The following SHROOM4 variants were observed in gnomAD, a reference collection of about 807,000 sequenced individuals.
SHROOM4 encodes shroom family member 4.
Under a neutral mutation model 80.3 loss-of-function variants are expected in SHROOM4, and 17 were observed. The observed-to-expected ratio is 0.21, with a 90% CI of 0.14 to 0.32. The LOEUF (loss-of-function observed/expected upper bound fraction) is 0.32, where lower values mean the gene tolerates loss of function less well. SHROOM4 is among the 10% of genes least tolerant of loss of function. SHROOM4 has a pLI of 1.00. For synonymous variants in SHROOM4, 400 were observed against 437.5 expected (o/e 0.91, Z 1.07); for missense variants, 993 against 1,140.3 (o/e 0.87, Z 1.86).
chrX:50,677,383 T>C (rs1417479035), intron 2 of SHROOM4, among the ~76,000 whole-genome samples: 2 of 111,528 alleles, frequency 1.8e-5, no homozygotes, highest in Admixed American at 9.5e-5. Context: ...TTGGTTAATG[T>C]CAATCTAAGA....
At chrX:50,618,222 A>G (rs1263987115) in intron 5 of SHROOM4, among the ~76,000 whole-genome samples, 2 of 109,302 alleles carry the variant, frequency 1.8e-5, no homozygotes, top group Non-Finnish European at 3.8e-5. Flanking sequence ...GAGGGCAAGG[A>G]GCTTCATTAA....
At chrX:50,583,771 G>T (rs1009471711), downstream of SHROOM4, among the ~76,000 whole-genome samples, 7 of 111,608 alleles carry the variant, frequency 6.3e-5, no homozygotes, top group Non-Finnish European at 3.8e-5. Flanking sequence ...CCAACAATAT[G>T]AGTGAGCTTG....
intron 1 of SHROOM4, among the ~76,000 whole-genome samples, chrX:50,780,958 A>T (rs1281209276): frequency 2.7e-5 from 3 of 111,716 alleles, no homozygotes; most frequent in African/African-American, 9.8e-5. Context: ...TTGTGGTTCC[A>T]GTCCAAGCCA....
At chrX:50,737,842 T>C (rs1934534834) in intron 1 of SHROOM4, among the ~76,000 whole-genome samples, 1 of 111,635 alleles carries the variant, frequency 9.0e-6, no homozygotes, top group African/African-American at 3.3e-5. Flanking sequence ...GCCAGGATCG[T>C]CCTGATACCA....
intron 5 of SHROOM4, among the ~76,000 whole-genome samples, chrX:50,626,124 A>G (rs1182401494): frequency 1.8e-5 from 2 of 111,880 alleles, no homozygotes; most frequent in Non-Finnish European, 3.8e-5. Context: ...CCAAGGCCAC[A>G]TGGCTAGTGA....
chrX:50,577,596 G>A, the SHROOM4 span, among the ~76,000 whole-genome samples: 1 of 111,959 alleles, frequency 8.9e-6, no homozygotes, highest in African/African-American at 3.2e-5. Context: ...TGAAATAGAG[G>A]GTAGTTGGAA....
rs1557255384 is a variant in SHROOM4, at chrX:50,634,813, G to A, written c.1260C>T (p.His420=). ...TGGTATCAAGGTGCACATGCTGCAGGTGGGATGCCAGCAGCTGTTCAGGGG... is the reference window on the plus strand; with the variant it reads ...TGGTATCAAGGTGCACATGCTGCAGATGGGATGCCAGCAGCTGTTCAGGGG... The part of the protein sequence containing the change: ...HSAPEQLLAS[H]LQHVHLDTRG... Residue 420 remains histidine (H), a synonymous_variant, in exon 4 of 9, where the codon CAC becomes CAT. Coordinates refer to ENST00000376020, the MANE Select transcript of SHROOM4 (RefSeq NM_020717.5). 8.3e-7 allele frequency: 1 copy of A among 1,211,410 alleles called. No homozygotes were observed. The highest frequency in any genetic ancestry group is 3.0e-5 in the East Asian group (1 of 33,796).
At chrX:50,750,300 C>T (rs782739406) in intron 1 of SHROOM4, among the ~76,000 whole-genome samples, 17 of 112,007 alleles carry the variant, frequency 1.5e-4, no homozygotes, top group South Asian at 1.5e-3. Flanking sequence ...CACTCTGTTG[C>T]CCAGGCTGGA....
rs1273038910 is a variant in SHROOM4, at chrX:50,591,572, C to T, written c.*5123G>A. 7.8e-6 allele frequency: 2 copies of T among 257,282 alleles called. No homozygotes were observed. The highest frequency in any genetic ancestry group is 1.4e-5 in the Non-Finnish European group (2 of 141,187). 21.2% of individuals were successfully genotyped at this position (257,282 alleles called of 1,213,427 possible). A position where few individuals can be genotyped will look rare whatever the true frequency, so the allele number is the denominator to read the frequency against. On this transcript the variant is annotated 3_prime_UTR_variant, in exon 9 of 9. Coordinates refer to ENST00000376020, the MANE Select transcript of SHROOM4 (RefSeq NM_020717.5). The stretch of plus-strand genomic sequence containing the variant: ...TTTGATCTTCTCTAATCTCTTTCAA[C>T]AATGTTTTATAGTTTTCAGTGTAAA...
At chrX:50,682,073 C>T (rs782011260) in intron 2 of SHROOM4, among the ~76,000 whole-genome samples, 14 of 111,967 alleles carry the variant, frequency 1.3e-4, no homozygotes, top group Non-Finnish European at 2.6e-4. Flanking sequence ...TATATTTGGA[C>T]GTCTTACAGA....
chrX:50,645,181 A>G (rs1931779689), intron 2 of SHROOM4, among the ~76,000 whole-genome samples: 1 of 111,811 alleles, frequency 8.9e-6, no homozygotes, highest in South Asian at 3.8e-4. Flanking sequence ...CTGACTTTTA[A>G]TAAGCTCCAG....
In SHROOM4 at chrX:50,634,395, G is replaced by A; in HGVS notation, c.1678C>T (p.Pro560Ser). ...TEAGEEGDSE[P>S]KECSRMGGRR... ...CCACCCATCCGGCTGCACTCCTTGG[G>A]CTCGCTGTCCCCTTCTTCACCTGCC... Residue 560 changes from proline (P) to serine (S), a missense_variant, in exon 4 of 9, where the codon CCC becomes TCC. By Grantham distance (74) the Pro-to-Ser change is moderately conservative. Transcript: ENST00000376020. 1 of 1,211,016 alleles carries A rather than the reference G, an allele frequency of 8.3e-7. No individual in the cohort carries two copies. Among genetic ancestry groups the A allele is most frequent in the Non-Finnish European group, 1.1e-6 (1 of 895,213 alleles).
At chrX:50,639,833 T>C (rs1332987337) in intron 2 of SHROOM4, among the ~76,000 whole-genome samples, 5 of 111,799 alleles carry the variant, frequency 4.5e-5, no homozygotes, top group African/African-American at 1.6e-4. Context: ...TGAGTGGTAA[T>C]AGGCCAGACA....
chrX:50,641,703 C>A (rs1216100567), intron 2 of SHROOM4, among the ~76,000 whole-genome samples: 1 of 111,432 alleles, frequency 9.0e-6, no homozygotes, highest in African/African-American at 3.3e-5. Flanking sequence ...ACCTCCGCCT[C>A]CCTGGTTCAA....
chrX:50,771,935 G>T (rs1935402684), intron 1 of SHROOM4, among the ~76,000 whole-genome samples: 2 of 111,302 alleles, frequency 1.8e-5, no homozygotes, highest in African/African-American at 6.6e-5. Flanking sequence ...GATCTGAAAA[G>T]ATTTCTGCAA....
At chrX:50,740,609 C>G (rs1449869784) in intron 1 of SHROOM4, among the ~76,000 whole-genome samples, 1 of 111,602 alleles carries the variant, frequency 9.0e-6, no homozygotes, top group Admixed American at 9.5e-5. Flanking sequence ...TCAGACCTGA[C>G]AGACATGTAT....
chrX:50,623,298 C>T (rs1930654244), intron 5 of SHROOM4, among the ~76,000 whole-genome samples: 1 of 111,268 alleles, frequency 9.0e-6, no homozygotes. Flanking sequence ...AGCGATTCTC[C>T]TGCCTCAGCC....
chrX:50,636,526 C>T (rs181781987), intron 3 of SHROOM4, among the ~76,000 whole-genome samples: 5 of 110,526 alleles, frequency 4.5e-5, no homozygotes, highest in East Asian at 2.8e-4. Context: ...TTTTAGATTC[C>T]GGGGGTACAC....
intron 1 of SHROOM4, among the ~76,000 whole-genome samples, chrX:50,801,429 G>A (rs1310030839): frequency 9.0e-6 from 1 of 110,972 alleles, no homozygotes. Context: ...GGAGATGGAA[G>A]GGCCCCACCT....
Sources: gnomAD v4.1 joint callset for allele counts (sites outside exome capture counted in the v4.1 genomes callset) on GRCh38, gnomAD v4.1.1 for gene constraint, MANE v1.5 for transcripts, NCBI Gene and HGNC (gene_info 2026-07-23, HGNC 2026-07-21) for gene names.